Variants in DCDC1 observed in about 807,000 individuals in gnomAD.
The protein encoded by DCDC1 is doublecortin domain containing 1.
DCDC1 carries 200 observed loss-of-function variants against 178.3 expected under a neutral mutation model. The ratio of observed to expected loss-of-function variants is 1.12; its 90% confidence interval spans 1.00 to 1.26. The LOEUF is 1.26. DCDC1 is among the 50% of genes most tolerant of loss of function. The probability of loss-of-function intolerance (pLI) is 0.00; values close to 1 mark genes in which losing one functional copy is unlikely to be tolerated. For missense variants in DCDC1, 1,983 were observed against 1,749.2 expected, an observed-to-expected ratio of 1.13 and a Z score of -2.38; for synonymous variants, 690 against 604.8, an observed-to-expected ratio of 1.14 and a Z score of -2.07.
At chr11:31,276,100 A>C (rs1945965395) in intron 7 of DCDC1, among the ~76,000 whole-genome samples, 1 of 152,194 alleles carries the variant, frequency 6.6e-6, no homozygotes, top group Non-Finnish European at 1.5e-5. Flanking sequence ...TTTTTGCTTA[A>C]GTCTGTTTGA....
intron 7 of DCDC1, among the ~76,000 whole-genome samples, chr11:31,268,005 A>G (rs973511110): frequency 6.6e-6 from 1 of 152,186 alleles, no homozygotes; most frequent in African/African-American, 2.4e-5. Flanking sequence ...TCCTTAGCCA[A>G]TCATGTCTGA....
chr11:31,268,387 TAGG>T (rs776405115), intron 7 of DCDC1, among the ~76,000 whole-genome samples: 4 of 152,200 alleles, frequency 2.6e-5, no homozygotes, highest in African/African-American at 7.2e-5. Flanking sequence ...CCTCCCGCTG[TAGG>T]AGTTCACAGT....
chr11:31,114,033 C>G (rs937145631), intron 11 of DCDC1, among the ~76,000 whole-genome samples: 1 of 152,124 alleles, frequency 6.6e-6, no homozygotes, highest in African/African-American at 2.4e-5. Flanking sequence ...AATCAGAAAA[C>G]AGTACACGAT....
At chr11:31,193,412 G>A (rs894627797) in intron 9 of DCDC1, among the ~76,000 whole-genome samples, 13 of 152,078 alleles carry the variant, frequency 8.5e-5, no homozygotes, top group African/African-American at 3.1e-4. Context: ...CAAGGGAAAT[G>A]CTTATTGGAG....
chr11:31,127,146 C>G (rs1433693091), intron 11 of DCDC1, among the ~76,000 whole-genome samples: 2 of 152,134 alleles, frequency 1.3e-5, no homozygotes, highest in Admixed American at 6.6e-5. Flanking sequence ...TTTTTAGAAA[C>G]TGAAATATGC....
intron 9 of DCDC1, among the ~76,000 whole-genome samples, chr11:31,179,819 G>A (rs960894861): frequency 2.0e-5 from 3 of 151,978 alleles, no homozygotes; most frequent in African/African-American, 7.3e-5. Flanking sequence ...ACCAGACAAA[G>A]ACACAACAAC....
intron 23 of DCDC1, among the ~76,000 whole-genome samples, chr11:30,922,859 ACTAT>A (rs1386399650): frequency 1.3e-5 from 2 of 152,226 alleles, no homozygotes; most frequent in Non-Finnish European, 1.5e-5. Flanking sequence ...AAGTGAAAAT[ACTAT>A]CTTTGTATAT....
intron 18 of DCDC1, among the ~76,000 whole-genome samples, chr11:31,075,699 T>C (rs11031280): frequency 0.015 from 2,296 of 152,322 alleles, 46 homozygotes; most frequent in African/African-American, 0.052. Context: ...TTTTGAAAAA[T>C]GTCTATCACG....
intron 20 of DCDC1, among the ~76,000 whole-genome samples, chr11:31,022,644 TG>T (rs1952954720): frequency 3.4e-5 from 1 of 29,114 alleles, no homozygotes. Flanking sequence ...TCTTTTAGTT[TG>T]TGTGTGTGTG....
chr11:31,111,666 C>T (rs1400903856), intron 11 of DCDC1, among the ~76,000 whole-genome samples: 2 of 152,178 alleles, frequency 1.3e-5, no homozygotes, highest in Non-Finnish European at 2.9e-5. Flanking sequence ...GGAAAAGACT[C>T]TTACTGTCCC....
At chr11:31,332,764 T>A (rs1950063744) in intron 2 of DCDC1, among the ~76,000 whole-genome samples, 1 of 152,214 alleles carries the variant, frequency 6.6e-6, no homozygotes, top group Non-Finnish European at 1.5e-5. Context: ...TGATTTCTGT[T>A]CTTTCACATT....
At chr11:31,032,244 A>G (rs953376779) in intron 20 of DCDC1, among the ~76,000 whole-genome samples, 4 of 152,322 alleles carry the variant, frequency 2.6e-5, no homozygotes, top group East Asian at 1.9e-4. Flanking sequence ...CTTCAGATTA[A>G]TGACTCAGAA....
At chr11:31,159,014 A>G (rs981995067) in intron 9 of DCDC1, among the ~76,000 whole-genome samples, 1 of 152,130 alleles carries the variant, frequency 6.6e-6, no homozygotes, top group Non-Finnish European at 1.5e-5. Context: ...ACCAAAAAAA[A>G]TACAAAAAAA....
At chr11:30,949,854 G>A (rs551032804) in intron 21 of DCDC1, among the ~76,000 whole-genome samples, 4 of 151,728 alleles carry the variant, frequency 2.6e-5, no homozygotes, top group South Asian at 2.1e-4. Flanking sequence ...GGGGCCTGTC[G>A]GGGGGTGGGG....
intron 11 of DCDC1, among the ~76,000 whole-genome samples, chr11:31,121,134 T>C (rs554897656): frequency 6.6e-6 from 1 of 152,060 alleles, no homozygotes; most frequent in Non-Finnish European, 1.5e-5. Flanking sequence ...TAACCACTGA[T>C]GGTAAAAACA....
At chr11:30,906,092 A>C (rs772175961) in intron 30 of DCDC1, among the ~76,000 whole-genome samples, 10 of 152,186 alleles carry the variant, frequency 6.6e-5, no homozygotes, top group Non-Finnish European at 1.3e-4. Context: ...TGAACTCTAA[A>C]TACTATTAGA....
At chr11:31,324,105 T>C (rs1048804175) in intron 3 of DCDC1, among the ~76,000 whole-genome samples, 20 of 152,116 alleles carry the variant, frequency 1.3e-4, no homozygotes, top group African/African-American at 4.6e-4. Context: ...TAACAAATTT[T>C]TACTTGCAAC....
At position 31,137,692 on chromosome 11, in the gene DCDC1, T is replaced by C. The variant is rs1489283087; in HGVS notation, c.1314A>G (p.Glu438=). Residue 438 remains glutamate, a splice_region_variant and synonymous_variant, in exon 10 of 39, where the codon GAA becomes GAG. Coordinates refer to ENST00000684477, the MANE Select transcript of DCDC1 (RefSeq NM_001387274.1). ...ACAGTTTACAAAGTAATTTCCTTACTTCTTCCTGTTCCTTATGGTGTTCCT... is the reference window on the plus strand; with the variant it reads ...ACAGTTTACAAAGTAATTTCCTTACCTCTTCCTGTTCCTTATGGTGTTCCT... ...TAKEHHKEQE[E]VSRLIDELQT... 2.8e-6 allele frequency: 2 copies of C among 702,412 alleles called. No homozygotes were observed. The highest frequency in any genetic ancestry group is 5.2e-6 in the Non-Finnish European group (2 of 384,800). 43.5% of individuals were successfully genotyped at this position (702,412 alleles called of 1,614,324 possible). A position where few individuals can be genotyped will look rare whatever the true frequency, so the allele number is the denominator to read the frequency against.
intron 7 of DCDC1, among the ~76,000 whole-genome samples, chr11:31,280,336 A>G (rs1237064499): frequency 2.0e-5 from 3 of 152,202 alleles, no homozygotes; most frequent in Non-Finnish European, 2.9e-5. Flanking sequence ...AGTTACATAC[A>G]TCTAAATATA....
Sources: allele counts gnomAD v4.1 joint callset (sites outside exome capture counted in the v4.1 genomes callset), GRCh38; gene constraint gnomAD v4.1.1; transcripts MANE v1.5; gene names NCBI Gene and HGNC (gene_info 2026-07-23, HGNC 2026-07-21).